The following METTL15 variants were observed in gnomAD, a reference collection of about 807,000 sequenced individuals.
The protein encoded by METTL15 is methyltransferase 15, mitochondrial 12S rRNA N4-cytidine.
In METTL15, 34 loss-of-function variants were observed where a neutral mutation model predicts 38.3. That is an observed-to-expected ratio of 0.89 (90% confidence interval 0.68 to 1.18). The LOEUF (loss-of-function observed/expected upper bound fraction) is 1.18, where lower values mean the gene tolerates loss of function less well. Ranked by LOEUF, METTL15 falls within the 50% of genes most tolerant of loss-of-function variation. The pLI is 0.00. For missense variants in METTL15, 438 were observed against 498.4 expected (o/e 0.88, Z 1.15); for synonymous variants, 162 against 170.9 (o/e 0.95, Z 0.41).
intron 5 of METTL15, among the ~76,000 whole-genome samples, chr11:28,382,258 G>T (rs572795694): frequency 1.3e-5 from 2 of 152,290 alleles, no homozygotes; most frequent in South Asian, 4.1e-4. Flanking sequence ...CTCTGATGTG[G>T]CGTGTCTTTG....
intron 6 of METTL15, among the ~76,000 whole-genome samples, chr11:28,479,414 T>C (rs773491681): frequency 1.3e-5 from 2 of 152,112 alleles, no homozygotes; most frequent in Non-Finnish European, 2.9e-5. Flanking sequence ...AACTAAGAGA[T>C]CTTTGTATGG....
At chr11:28,515,342 G>A (rs941457120) in intron 6 of METTL15, among the ~76,000 whole-genome samples, 1 of 152,100 alleles carries the variant, frequency 6.6e-6, no homozygotes, top group Non-Finnish European at 1.5e-5. Flanking sequence ...TAACAAATAA[G>A]CACCAAAATT....
chr11:28,128,348 A>G (rs934499814), intron 3 of METTL15, among the ~76,000 whole-genome samples: 5 of 152,288 alleles, frequency 3.3e-5, no homozygotes, highest in African/African-American at 1.2e-4. Context: ...AAATAATCAT[A>G]TAAATAATAA....
chr11:28,119,341 TG>T (rs1431728606), intron 3 of METTL15, among the ~76,000 whole-genome samples: 3 of 152,176 alleles, frequency 2.0e-5, no homozygotes, highest in African/African-American at 7.2e-5. Context: ...ATGTTTTAAG[TG>T]AATGAATAAA....
chr11:28,368,851 A>G (rs925471841), intron 5 of METTL15, among the ~76,000 whole-genome samples: 7 of 152,148 alleles, frequency 4.6e-5, no homozygotes, highest in African/African-American at 1.7e-4. Flanking sequence ...TGTCCTTTGC[A>G]AAGACATGGA....
chr11:28,381,030 A>C (rs1335609031), intron 5 of METTL15, among the ~76,000 whole-genome samples: 1 of 152,128 alleles, frequency 6.6e-6, no homozygotes, highest in East Asian at 1.9e-4. Flanking sequence ...TTGGTCTGTC[A>C]TCTAGGCGGA....
chr11:28,228,764 AT>A (rs1853578254), intron 4 of METTL15, among the ~76,000 whole-genome samples: 2 of 151,950 alleles, frequency 1.3e-5, no homozygotes, highest in South Asian at 4.1e-4. Context: ...GACAAAAACT[AT>A]GTCTAACATG....
At chr11:28,368,136 A>C (rs1218613941) in intron 5 of METTL15, among the ~76,000 whole-genome samples, 3 of 144,320 alleles carry the variant, frequency 2.1e-5, no homozygotes, top group South Asian at 2.3e-4. Flanking sequence ...AGCAAAAAAA[A>C]AAAAAACAAA....
rs1044058352 is a variant in METTL15 at position 28,381,908 on chromosome 11, C to T, written c.*358+19872C>T. Among the ~76,000 whole-genome samples, 7 of 151,258 alleles carry T rather than the reference C, an allele frequency of 4.6e-5. No homozygotes were observed. The South Asian group carries it at 1.0e-3, about 23-fold the overall frequency. On this transcript the variant is annotated intron_variant and NMD_transcript_variant, in intron 5 of 7. Coordinates refer to the METTL15 transcript ENST00000532947. Reference sequence around the variant, plus strand: ...TTGGGAAGGTCAAATTTTATGGTTTCCTGTTTCCTTTTTTTTTTTGTGTGG... The same window carrying T: ...TTGGGAAGGTCAAATTTTATGGTTTTCTGTTTCCTTTTTTTTTTTGTGTGG...
intron 3 of METTL15, among the ~76,000 whole-genome samples, chr11:28,118,462 C>T (rs993239591): frequency 6.6e-6 from 1 of 151,860 alleles, no homozygotes; most frequent in African/African-American, 2.4e-5. Flanking sequence ...AGGTGAATAA[C>T]TTTTTGTGAA....
chr11:28,239,576 TA>T (rs1326905695), intron 4 of METTL15, among the ~76,000 whole-genome samples: 1 of 152,196 alleles, frequency 6.6e-6, no homozygotes, highest in Non-Finnish European at 1.5e-5. Flanking sequence ...TTATCCTTCT[TA>T]AAAGCAAATT....
chr11:28,146,119 A>G (rs776459645), intron 3 of METTL15, among the ~76,000 whole-genome samples: 1 of 152,052 alleles, frequency 6.6e-6, no homozygotes, highest in Non-Finnish European at 1.5e-5. Context: ...ATATATTTTC[A>G]TTGTTTTGTT....
At chr11:28,153,484 A>G (rs1196455324) in intron 3 of METTL15, among the ~76,000 whole-genome samples, 3 of 152,132 alleles carry the variant, frequency 2.0e-5, no homozygotes, top group Non-Finnish European at 4.4e-5. Context: ...ACCCATTAAT[A>G]TGGAGGGCTG....
chr11:28,247,302 C>T (rs1314856644), intron 4 of METTL15, among the ~76,000 whole-genome samples: 3 of 151,944 alleles, frequency 2.0e-5, no homozygotes, highest in Admixed American at 6.6e-5. Context: ...TATAATTTTT[C>T]AGGGGGCAAA....
intron 6 of METTL15, among the ~76,000 whole-genome samples, chr11:28,471,107 A>G (rs369736278): frequency 2.0e-5 from 3 of 152,058 alleles, no homozygotes; most frequent in African/African-American, 7.2e-5. Context: ...AGACCCAACA[A>G]GGCTGGACAT....
chr11:28,457,043 A>G (rs983094359), intron 6 of METTL15, among the ~76,000 whole-genome samples: 1 of 152,124 alleles, frequency 6.6e-6, no homozygotes, highest in African/African-American at 2.4e-5. Flanking sequence ...TATGCCATTG[A>G]ATTTGGGTTG....
At chr11:28,438,137 G>A (rs896424551) in intron 6 of METTL15, among the ~76,000 whole-genome samples, 21 of 152,320 alleles carry the variant, frequency 1.4e-4, no homozygotes, top group Middle Eastern at 3.4e-3. Flanking sequence ...TTTCATGATT[G>A]ATGTTAATGG....
intron 4 of METTL15, among the ~76,000 whole-genome samples, chr11:28,354,959 G>A (rs1312996946): frequency 6.6e-6 from 1 of 152,140 alleles, no homozygotes; most frequent in East Asian, 1.9e-4. Flanking sequence ...AGAGGTGAGT[G>A]AGAGGACCTT....
At chr11:28,122,055 A>G (rs1852263062) in intron 3 of METTL15, 5 of 777,356 alleles carry the variant, frequency 6.4e-6, no homozygotes, top group African/African-American at 1.9e-5. Flanking sequence ...TTTTTAGTTA[A>G]TAAAAGTTAT....
Sources: gnomAD v4.1 joint callset for allele counts (sites outside exome capture counted in the v4.1 genomes callset) on GRCh38, gnomAD v4.1.1 for gene constraint, MANE v1.5 for transcripts, NCBI Gene and HGNC (gene_info 2026-07-23, HGNC 2026-07-21) for gene names.